CLPB: variants seen among roughly 807,000 people sequenced by gnomAD.
CLPB encodes the protein mitochondrial disaggregase.
CLPB carries 40 observed loss-of-function variants against 78.4 expected under a neutral mutation model. That is an observed-to-expected ratio of 0.51 (90% confidence interval 0.40 to 0.66). CLPB has a LOEUF of 0.66. CLPB is among the 30% of genes least tolerant of loss of function. The pLI, the probability that CLPB is intolerant of heterozygous loss-of-function variation, is 0.00. For synonymous variants in CLPB, 333 were observed against 348.0 expected (o/e 0.96, Z 0.48); for missense variants, 780 against 886.9 (o/e 0.88, Z 1.53).
chr11:72,316,970 C>T, intron 7 of CLPB, 136 bp downstream of exon 7: 1 of 549,388 alleles, frequency 1.8e-6, no homozygotes, highest in Non-Finnish European at 3.1e-6. Flanking sequence ...GAGCTTATAA[C>T]AATGTCTGGC....
intron 3 of CLPB, among the ~76,000 whole-genome samples, chr11:72,392,873 A>C (rs1342442483): frequency 6.6e-6 from 1 of 152,226 alleles, no homozygotes; most frequent in Non-Finnish European, 1.5e-5. Context: ...CACCCAACTG[A>C]CCATCCATTA....
chr11:72,309,231 G>A (rs1275256898), intron 7 of CLPB, among the ~76,000 whole-genome samples: 1 of 152,204 alleles, frequency 6.6e-6, no homozygotes, highest in African/African-American at 2.4e-5. Flanking sequence ...TCCAGTGGTG[G>A]AGGGAGTGGG....
At chr11:72,385,318 T>C (rs1855042698) in intron 3 of CLPB, among the ~76,000 whole-genome samples, 1 of 152,202 alleles carries the variant, frequency 6.6e-6, no homozygotes, top group Non-Finnish European at 1.5e-5. Context: ...TTCCCACTAA[T>C]ACATTTTTTC....
chr11:72,392,861 C>G (rs891976187), intron 3 of CLPB, among the ~76,000 whole-genome samples: 5 of 152,338 alleles, frequency 3.3e-5, no homozygotes, highest in Non-Finnish European at 7.3e-5. Context: ...CACGTTGGCT[C>G]TCACCCAACT....
At chr11:72,299,865 A>C (rs1949623212) in intron 11 of CLPB, among the ~76,000 whole-genome samples, 1 of 152,196 alleles carries the variant, frequency 6.6e-6, no homozygotes, top group African/African-American at 2.4e-5. Context: ...CCTAAAAGGC[A>C]GTCAGTGGAG....
chr11:72,309,102 C>T lies in CLPB; in HGVS notation c.989-498G>A, dbSNP rs565891897. ...GGGAAGCTAAGGTCTGGTCCACTGT[C>T]TGGGTCAGAAAGTGGAAACACAGCC... On this transcript the variant is annotated intron_variant, in intron 7 of 15. Transcript: ENST00000538039. Among the ~76,000 whole-genome samples, 3 of 152,246 alleles carry T rather than the reference C, an allele frequency of 2.0e-5. No homozygotes were observed. In the East Asian group the frequency reaches 5.8e-4, roughly 29 times the overall value.
At chr11:72,383,047 G>A (rs528105663) in intron 3 of CLPB, among the ~76,000 whole-genome samples, 1 of 151,418 alleles carries the variant, frequency 6.6e-6, no homozygotes, top group South Asian at 2.1e-4. Flanking sequence ...AAATCCTGGA[G>A]CTGAAAAATA....
At chr11:72,363,103 C>T (rs1046734818) in intron 4 of CLPB, among the ~76,000 whole-genome samples, 3 of 151,910 alleles carry the variant, frequency 2.0e-5, no homozygotes, top group Admixed American at 2.0e-4. Context: ...TTGCAGTGAG[C>T]CGAGATCACG....
intron 3 of CLPB, among the ~76,000 whole-genome samples, chr11:72,391,722 G>C (rs187568362): frequency 3.3e-4 from 51 of 152,268 alleles, no homozygotes; most frequent in African/African-American, 1.2e-3. Flanking sequence ...GCTCCTTCCT[G>C]GGCTACAGAA....
intron 6 of CLPB, among the ~76,000 whole-genome samples, chr11:72,326,719 C>T (rs1950139608): frequency 6.6e-6 from 1 of 152,166 alleles, no homozygotes; most frequent in African/African-American, 2.4e-5. Context: ...CATTATGTTA[C>T]AGATGCAGGG....
intron 5 of CLPB, among the ~76,000 whole-genome samples, chr11:72,355,840 T>C (rs1208500611): frequency 1.3e-5 from 2 of 152,220 alleles, no homozygotes; most frequent in Non-Finnish European, 2.9e-5. Flanking sequence ...CTGGGGACCC[T>C]AAATCCCTGA....
intron 4 of CLPB, among the ~76,000 whole-genome samples, chr11:72,373,260 T>C (rs1209471469): frequency 6.6e-6 from 1 of 152,200 alleles, no homozygotes; most frequent in Non-Finnish European, 1.5e-5. Context: ...TAATTGTACA[T>C]ATGAGAGGCA....
intron 4 of CLPB, chr11:72,372,813 A>G: frequency 1.0e-6 from 1 of 955,416 alleles, no homozygotes; most frequent in Non-Finnish European, 1.7e-6. Flanking sequence ...GGCTGGGCAC[A>G]CAGTGGGTGC....
In CLPB at chr11:72,302,285, A is replaced by G. The variant is rs2135501649; in HGVS notation, c.1167+19T>C. The G allele has an allele frequency of 1.9e-6, 3 of 1,613,410 alleles. No homozygotes were observed. The highest frequency in any genetic ancestry group is 2.5e-6 in the Non-Finnish European group (3 of 1,179,396). ...AAGCCCTCCAAACCATGCTTCAATC[A>G]AGGACTGTCATCACTCACCTCGTGT... is the stretch of plus-strand genomic sequence containing the variant. On this transcript the variant is annotated intron_variant, in intron 10 of 15. Transcript: ENST00000538039.
Position 72,427,464 on chromosome 11 carries a change from G to A in CLPB, c.455+2848C>T, listed in dbSNP as rs1008589791. 3.9e-5 allele frequency among the ~76,000 whole-genome samples: 6 copies of A among 152,176 alleles called. No homozygotes were observed. In the South Asian group the frequency reaches 8.3e-4, roughly 21 times the overall value. On this transcript the variant is annotated intron_variant, in intron 2 of 15. Transcript: ENST00000538039. ...GCTACACAATGATGTGTTTGTTAAC[G>A]ATAGACTGCATGTATGAGGTGGTCT... is the stretch of plus-strand genomic sequence containing the variant.
At chr11:72,376,829 G>A (rs138094861) in intron 4 of CLPB, among the ~76,000 whole-genome samples, 1,546 of 152,074 alleles carry the variant, frequency 0.01, 30 homozygotes, top group East Asian at 0.064. Flanking sequence ...GCACCACCAC[G>A]CCCTGCTAAG....
chr11:72,359,476 T>C (rs1379678573), intron 4 of CLPB, among the ~76,000 whole-genome samples: 2 of 152,132 alleles, frequency 1.3e-5, no homozygotes, highest in Non-Finnish European at 2.9e-5. Context: ...TGGGGTAGGA[T>C]AAGGAAAGAG....
intron 3 of CLPB, among the ~76,000 whole-genome samples, chr11:72,393,917 A>G (rs527338087): frequency 2.6e-5 from 4 of 152,306 alleles, no homozygotes; most frequent in East Asian, 1.9e-4. Context: ...CCAATATATT[A>G]GTACCTCCTC....
At chr11:72,376,166 T>C (rs900378002) in intron 4 of CLPB, among the ~76,000 whole-genome samples, 1 of 152,188 alleles carries the variant, frequency 6.6e-6, no homozygotes, top group Non-Finnish European at 1.5e-5. Context: ...TACCCATCCC[T>C]ACAAGTCAGG....
Sources: allele counts gnomAD v4.1 joint callset (sites outside exome capture counted in the v4.1 genomes callset), GRCh38; gene constraint gnomAD v4.1.1; transcripts MANE v1.5; gene names NCBI Gene and HGNC (gene_info 2026-07-23, HGNC 2026-07-21).